Variants in HECW1 observed in about 807,000 individuals in gnomAD.
HECW1 encodes HECT, C2 and WW domain containing E3 ubiquitin protein ligase 1, also known as E3 ubiquitin-protein ligase HECW1.
A neutral mutation model predicts 182.3 loss-of-function variants in HECW1; 61 were observed. That is an observed-to-expected ratio of 0.33 (90% CI 0.27 to 0.41). The LOEUF (loss-of-function observed/expected upper bound fraction) is 0.41. Among genes scored for constraint, HECW1 ranks in the 10% least tolerant of loss-of-function variants. HECW1 has a pLI of 1.00. For missense variants in HECW1, 1,739 were observed against 2,108.9 expected, an observed-to-expected ratio of 0.82 and a Z score of 3.44; for synonymous variants, 859 against 832.6, an observed-to-expected ratio of 1.03 and a Z score of -0.55.
At chr7:43,307,137 T>A (rs1807680745) in intron 3 of HECW1, among the ~76,000 whole-genome samples, 1 of 152,126 alleles carries the variant, frequency 6.6e-6, no homozygotes, top group Non-Finnish European at 1.5e-5. Flanking sequence ...CTTTGTACAG[T>A]GTATTTAAAT....
intron 21 of HECW1, among the ~76,000 whole-genome samples, chr7:43,502,494 C>CA (rs200438526): frequency 1.3e-5 from 2 of 151,920 alleles, no homozygotes; most frequent in Admixed American, 6.6e-5. Context: ...TCATCTCTAC[C>CA]AAAAAAAATT....
chr7:43,348,400 C>T (rs1181433648), intron 5 of HECW1, among the ~76,000 whole-genome samples: 1 of 152,006 alleles, frequency 6.6e-6, no homozygotes, highest in Non-Finnish European at 1.5e-5. Context: ...TGAATATTCT[C>T]TCTTCTTTTC....
At chr7:43,526,424 T>C (rs2080757614) in intron 24 of HECW1, among the ~76,000 whole-genome samples, 1 of 152,266 alleles carries the variant, frequency 6.6e-6, no homozygotes, top group Non-Finnish European at 1.5e-5. Flanking sequence ...AGATAACTTA[T>C]GATTCATAGA....
At chr7:43,236,321 G>C (rs757044095) in intron 2 of HECW1, among the ~76,000 whole-genome samples, 1 of 151,950 alleles carries the variant, frequency 6.6e-6, no homozygotes, top group Non-Finnish European at 1.5e-5. Flanking sequence ...AACCATTCAT[G>C]GGGGGGAAAA....
intron 2 of HECW1, among the ~76,000 whole-genome samples, chr7:43,228,673 A>C (rs1418578886): frequency 6.6e-6 from 1 of 152,192 alleles, no homozygotes; most frequent in Non-Finnish European, 1.5e-5. Context: ...ATGAAGCAAA[A>C]TGCAGTACAC....
intron 8 of HECW1, among the ~76,000 whole-genome samples, chr7:43,436,995 A>T (rs765529764): frequency 2.0e-5 from 3 of 152,206 alleles, no homozygotes; most frequent in Non-Finnish European, 4.4e-5. Context: ...CTCCCAGAGC[A>T]GGTGGGATTA....
chr7:43,308,627 ATTT>A (rs59607666), intron 3 of HECW1, among the ~76,000 whole-genome samples: 2 of 142,174 alleles, frequency 1.4e-5, no homozygotes, highest in Admixed American at 7.1e-5. Flanking sequence ...CCTTTCTGTA[ATTT>A]TTTTTTTTTT....
intron 3 of HECW1, among the ~76,000 whole-genome samples, chr7:43,246,385 T>G (rs1332554573): frequency 6.6e-6 from 1 of 152,218 alleles, no homozygotes; most frequent in Non-Finnish European, 1.5e-5. Flanking sequence ...CTTAGCAGGA[T>G]GAATGCTTAT....
chr7:43,191,800 T>C (rs1251545667), intron 2 of HECW1, among the ~76,000 whole-genome samples: 1 of 152,184 alleles, frequency 6.6e-6, no homozygotes, highest in Non-Finnish European at 1.5e-5. Context: ...AATTGAATAA[T>C]CTCAAATAAT....
chr7:43,456,847 A>G (rs947554381), intron 13 of HECW1, among the ~76,000 whole-genome samples: 2 of 152,226 alleles, frequency 1.3e-5, no homozygotes, highest in African/African-American at 4.8e-5. Context: ...CCCATCATAC[A>G]GTTCTCAAAA....
At chr7:43,226,827 C>T (rs1270323864) in intron 2 of HECW1, among the ~76,000 whole-genome samples, 1 of 152,216 alleles carries the variant, frequency 6.6e-6, no homozygotes, top group African/African-American at 2.4e-5. Flanking sequence ...CCTCTGCATC[C>T]CTGCTGTGTT....
chr7:43,483,963 A>G (rs1361799406), intron 17 of HECW1, among the ~76,000 whole-genome samples: 1 of 152,134 alleles, frequency 6.6e-6, no homozygotes, highest in African/African-American at 2.4e-5. Context: ...ATGGAAGGGG[A>G]TGAGGCCGAG....
At chr7:43,336,148 C>G in intron 5 of HECW1, among the ~76,000 whole-genome samples, 1 of 48,704 alleles carries the variant, frequency 2.1e-5, no homozygotes, top group Admixed American at 3.0e-4. Context: ...CTCTCTTTCT[C>G]TCTCTCTCTC....
At chr7:43,269,295 T>A (rs1003295372) in intron 3 of HECW1, among the ~76,000 whole-genome samples, 1 of 152,238 alleles carries the variant, frequency 6.6e-6, no homozygotes, top group Non-Finnish European at 1.5e-5. Flanking sequence ...ATGCTCCTAT[T>A]GGCCACAGAA....
At chr7:43,266,879 A>G (rs971054260) in intron 3 of HECW1, among the ~76,000 whole-genome samples, 2 of 152,212 alleles carry the variant, frequency 1.3e-5, no homozygotes, top group Non-Finnish European at 1.5e-5. Context: ...TGTCAGCTTA[A>G]TATGAAATCT....
chr7:43,193,142 A>C (rs1008100492), intron 2 of HECW1, among the ~76,000 whole-genome samples: 6 of 152,182 alleles, frequency 3.9e-5, no homozygotes, highest in African/African-American at 1.4e-4. Context: ...TGATGCTGGT[A>C]AGAGTGTCTT....
At chr7:43,193,343 CA>C (rs1368983442) in intron 2 of HECW1, among the ~76,000 whole-genome samples, 1 of 152,108 alleles carries the variant, frequency 6.6e-6, no homozygotes, top group Non-Finnish European at 1.5e-5. Flanking sequence ...GCCCTTTTCC[CA>C]AAATATTATA....
chr7:43,307,412 A>G (rs1025706656), intron 3 of HECW1, among the ~76,000 whole-genome samples: 3 of 152,176 alleles, frequency 2.0e-5, no homozygotes, highest in African/African-American at 2.4e-5. Flanking sequence ...TTGATTTCCC[A>G]TACATACAGA....
chr7:43,151,806 A>G (rs993482598), intron 2 of HECW1, among the ~76,000 whole-genome samples: 10 of 152,208 alleles, frequency 6.6e-5, no homozygotes, highest in African/African-American at 2.4e-4. Context: ...ATTGGAACAG[A>G]TGGAGAAGGG....
Sources: gnomAD v4.1 joint callset for allele counts (sites outside exome capture counted in the v4.1 genomes callset) on GRCh38, gnomAD v4.1.1 for gene constraint, MANE v1.5 for transcripts, NCBI Gene and HGNC (gene_info 2026-07-23, HGNC 2026-07-21) for gene names.